TPRG1: variants seen among roughly 807,000 people sequenced by gnomAD.
The protein encoded by TPRG1 is tumor protein p63-regulated gene 1 protein.
TPRG1 carries 29 observed loss-of-function variants against 29.3 expected under a neutral mutation model. The observed-to-expected ratio is 0.99, with a 90% CI of 0.74 to 1.35. The LOEUF is 1.35. Among genes scored for constraint, TPRG1 ranks in the 40% most tolerant of loss-of-function variants. TPRG1 has a pLI of 0.00. For missense variants in TPRG1, 327 were observed against 335.0 expected (o/e 0.98, Z 0.19); for synonymous variants, 130 against 116.8 (o/e 1.11, Z -0.73).
At chr3:189,075,908 C>T (rs568440245) in intron 4 of TPRG1, among the ~76,000 whole-genome samples, 2 of 152,204 alleles carry the variant, frequency 1.3e-5, no homozygotes, top group Admixed American at 1.3e-4. Context: ...TATTCTATAC[C>T]TGCCACTTCT....
Position 189,321,066 on chromosome 3 carries a change from A to G in TPRG1, c.*246A>G. On this transcript the variant is annotated 3_prime_UTR_variant, in exon 6 of 6. Coordinates refer to ENST00000345063, the MANE Select transcript of TPRG1 (RefSeq NM_198485.4). ...ATAAATGCTGCTGAGCCTATCAAAT[A>G]CTGTTATCAAATGAGTGCCTGATCA... 3.0e-6 allele frequency: 1 copy of G among 328,170 alleles called. No homozygotes were observed. Among genetic ancestry groups the G allele is most frequent in the Non-Finnish European group, 5.5e-6 (1 of 183,230 alleles). 20.3% of individuals were successfully genotyped at this position (328,170 alleles called of 1,614,324 possible).
At chr3:189,274,968 G>A (rs1462365880) in intron 4 of TPRG1, among the ~76,000 whole-genome samples, 1 of 151,324 alleles carries the variant, frequency 6.6e-6, no homozygotes, top group East Asian at 1.9e-4. Flanking sequence ...GTGTGTGTGT[G>A]TGTGTGTGTG....
intron 4 of TPRG1, among the ~76,000 whole-genome samples, chr3:189,032,636 G>T (rs1713993136): frequency 6.7e-6 from 1 of 149,964 alleles, no homozygotes; most frequent in African/African-American, 2.5e-5. Context: ...TAGGGTACAT[G>T]TGCACAATGT....
At chr3:189,116,957 A>G (rs1055891544) in intron 1 of TPRG1, among the ~76,000 whole-genome samples, 1 of 152,116 alleles carries the variant, frequency 6.6e-6, no homozygotes, top group African/African-American at 2.4e-5. Flanking sequence ...ACAACTAAAA[A>G]TACAAATAAT....
At chr3:189,093,191 A>AGG (rs1560439638) in intron 4 of TPRG1, among the ~76,000 whole-genome samples, 3 of 152,178 alleles carry the variant, frequency 2.0e-5, no homozygotes, top group African/African-American at 7.2e-5. Flanking sequence ...TCAAGGAGAG[A>AGG]GCGTCAATAA....
chr3:189,168,529 T>C (rs3856924), upstream of TPRG1, among the ~76,000 whole-genome samples: 103,205 of 152,072 alleles, frequency 0.68, 36,457 homozygotes, highest in African/African-American at 0.89. Context: ...TGTGCTAGAT[T>C]CTAAAAAGAA....
intron 1 of TPRG1, among the ~76,000 whole-genome samples, chr3:189,113,273 T>G (rs1350662343): frequency 8.5e-5 from 13 of 152,252 alleles, no homozygotes; most frequent in African/African-American, 1.4e-4. Context: ...AAGGAGATTT[T>G]GGGCTGAGAC....
chr3:189,300,620 G>T (rs1013122970), intron 4 of TPRG1, among the ~76,000 whole-genome samples: 3 of 152,148 alleles, frequency 2.0e-5, no homozygotes, highest in Non-Finnish European at 4.4e-5. Flanking sequence ...TGCCAGATTT[G>T]CTTTGCTGTT....
intron 1 of TPRG1, among the ~76,000 whole-genome samples, chr3:189,104,855 C>T (rs1280215446): frequency 6.6e-6 from 1 of 152,130 alleles, no homozygotes; most frequent in African/African-American, 2.4e-5. Context: ...CATAACTCCT[C>T]AACCTTCAGG....
intron 5 of TPRG1, among the ~76,000 whole-genome samples, chr3:189,166,523 G>T (rs189163820): frequency 2.0e-5 from 3 of 152,154 alleles, no homozygotes; most frequent in African/African-American, 7.2e-5. Flanking sequence ...ATACTTGACC[G>T]AGCACACCCA....
At chr3:189,272,763 C>T (rs1352445779) in intron 4 of TPRG1, among the ~76,000 whole-genome samples, 1 of 149,562 alleles carries the variant, frequency 6.7e-6, no homozygotes, top group Non-Finnish European at 1.5e-5. Context: ...TTCCTTCCTT[C>T]CTTCCTTCCT....
chr3:189,167,172 A>G (rs562144075), upstream of TPRG1, among the ~76,000 whole-genome samples: 47 of 152,212 alleles, frequency 3.1e-4, no homozygotes, highest in Admixed American at 3.0e-3. Context: ...CATCCACTCC[A>G]GCGTAACCCA....
intron 1 of TPRG1, among the ~76,000 whole-genome samples, chr3:189,120,622 C>T (rs376821010): frequency 2.0e-5 from 3 of 152,154 alleles, no homozygotes; most frequent in African/African-American, 7.2e-5. Context: ...ATAAATGGAA[C>T]ATCCAACCAG....
chr3:189,216,789 C>A (rs1006768719), intron 3 of TPRG1, among the ~76,000 whole-genome samples: 2 of 152,190 alleles, frequency 1.3e-5, no homozygotes, highest in African/African-American at 2.4e-5. Context: ...TTCACTTTTA[C>A]CAACACGCAT....
At position 189,022,283 on chromosome 3, in the gene TPRG1, G is replaced by T. The variant is rs959912565; in HGVS notation, c.-659-1467G>T. Among the ~76,000 whole-genome samples the T allele has an allele frequency of 8.0e-5, 12 of 150,362 alleles. 3 individuals carry two copies. Among genetic ancestry groups the T allele is most frequent in the Admixed American group, 6.6e-5 (1 of 15,086 alleles). ...TGTTCCGTTGCTGGTGAGGAACTGC[G>T]TTCCTTTGGAGGAGGAGAGGCACTC... On this transcript the variant is annotated intron_variant, in intron 3 of 10. Coordinates refer to the TPRG1 transcript ENST00000433971.
At chr3:189,242,044 C>A in intron 4 of TPRG1, among the ~76,000 whole-genome samples, 2 of 152,122 alleles carry the variant, frequency 1.3e-5, no homozygotes, top group African/African-American at 2.4e-5. Context: ...AAGTAAATTT[C>A]CAAGTTTTTG....
intron 5 of TPRG1, among the ~76,000 whole-genome samples, chr3:189,165,444 A>G (rs1728049031): frequency 1.1e-5 from 1 of 89,776 alleles, no homozygotes; most frequent in Non-Finnish European, 2.7e-5. Context: ...TTTTATGTGC[A>G]TAACAGCCAT....
intron 5 of TPRG1, among the ~76,000 whole-genome samples, chr3:189,153,170 G>A (rs888930657): frequency 4.6e-5 from 7 of 152,120 alleles, no homozygotes; most frequent in Non-Finnish European, 1.0e-4. Context: ...TACAAATGTC[G>A]TCATCCCTAT....
chr3:189,177,114 C>G (rs976829912), intron 1 of TPRG1, among the ~76,000 whole-genome samples: 1 of 151,986 alleles, frequency 6.6e-6, no homozygotes, highest in African/African-American at 2.4e-5. Context: ...GCTGGTTGTG[C>G]AGGAATGAGA....
Sources: gnomAD v4.1 joint callset for allele counts (sites outside exome capture counted in the v4.1 genomes callset) on GRCh38, gnomAD v4.1.1 for gene constraint, MANE v1.5 for transcripts, NCBI Gene and HGNC (gene_info 2026-07-23, HGNC 2026-07-21) for gene names.